ROBO2: variants seen among roughly 807,000 people sequenced by gnomAD.
ROBO2 encodes the protein roundabout homolog 2.
A neutral mutation model predicts 160.8 loss-of-function variants in ROBO2; 53 were observed. The observed-to-expected ratio is 0.33, with a 90% CI of 0.26 to 0.41. The LOEUF (loss-of-function observed/expected upper bound fraction) is 0.41, where lower values mean the gene tolerates loss of function less well. ROBO2 is among the 10% of genes least tolerant of loss of function. The pLI is 1.00. For synonymous variants in ROBO2, 664 were observed against 611.7 expected (o/e 1.09, Z -1.26); for missense variants, 1,577 against 1,722.4 (o/e 0.92, Z 1.49).
chr3:76,019,021 C>G (rs1298077473), intron 2 of ROBO2, among the ~76,000 whole-genome samples: 1 of 151,236 alleles, frequency 6.6e-6, no homozygotes, highest in Non-Finnish European at 1.5e-5. Context: ...CCGTGTGTAT[C>G]TGAGAATACT....
At chr3:76,532,235 A>C (rs1479227913) in intron 2 of ROBO2, among the ~76,000 whole-genome samples, 2 of 152,196 alleles carry the variant, frequency 1.3e-5, no homozygotes, top group Non-Finnish European at 1.5e-5. Context: ...ACTTTTGGTG[A>C]AAAGAGTGAC....
At chr3:76,151,913 A>T (rs554686240) in intron 2 of ROBO2, among the ~76,000 whole-genome samples, 56 of 152,220 alleles carry the variant, frequency 3.7e-4, no homozygotes, top group Non-Finnish European at 8.8e-5. Context: ...AAAAAATAAA[A>T]ACATGAGTAT....
chr3:76,184,873 A>G (rs1274210649), intron 2 of ROBO2, among the ~76,000 whole-genome samples: 1 of 151,964 alleles, frequency 6.6e-6, no homozygotes, highest in African/African-American at 2.4e-5. Flanking sequence ...GCTCCAGAAG[A>G]CAGACATATT....
chr3:76,311,009 C>T (rs1368948421), intron 2 of ROBO2: 1 of 152,182 alleles, frequency 6.6e-6, no homozygotes, highest in African/African-American at 2.4e-5. Flanking sequence ...CAATCAAGCT[C>T]ACCCAGAACA....
At chr3:76,078,572 C>T (rs1257755079) in intron 2 of ROBO2, among the ~76,000 whole-genome samples, 1 of 151,976 alleles carries the variant, frequency 6.6e-6, no homozygotes, top group African/African-American at 2.4e-5. Flanking sequence ...CCTATGTTGC[C>T]CAGGCTGGTC....
At chr3:75,983,964 C>T (rs966151348) in intron 2 of ROBO2, among the ~76,000 whole-genome samples, 3 of 151,326 alleles carry the variant, frequency 2.0e-5, no homozygotes, top group Admixed American at 1.3e-4. Flanking sequence ...CTCACTAATT[C>T]GGTTTATCTT....
At chr3:76,266,628 G>C (rs141168741) in intron 2 of ROBO2, among the ~76,000 whole-genome samples, 325 of 152,184 alleles carry the variant, frequency 2.1e-3, no homozygotes, top group Middle Eastern at 0.014. Flanking sequence ...TAACATTGGG[G>C]ATTTATTATG....
At chr3:76,882,574 A>G (rs1187192400) in intron 2 of ROBO2, among the ~76,000 whole-genome samples, 2 of 152,048 alleles carry the variant, frequency 1.3e-5, no homozygotes, top group Admixed American at 1.3e-4. Context: ...AGTGCCTGTT[A>G]CCTGTGTTTC....
At chr3:76,753,892 G>C (rs909795586) in intron 2 of ROBO2, among the ~76,000 whole-genome samples, 2 of 151,688 alleles carry the variant, frequency 1.3e-5, no homozygotes, top group Non-Finnish European at 2.9e-5. Context: ...ACATTTTATG[G>C]CAAAACTATT....
At chr3:77,526,510 ATCACATGTT>A (rs1435363485) in intron 6 of ROBO2, among the ~76,000 whole-genome samples, 11 of 151,562 alleles carry the variant, frequency 7.3e-5, no homozygotes, top group African/African-American at 2.7e-4. Context: ...GGATAATGGG[ATCACATGTT>A]TCACAATATT....
intron 2 of ROBO2, among the ~76,000 whole-genome samples, chr3:77,422,405 T>A (rs1334158483): frequency 6.6e-6 from 1 of 152,140 alleles, no homozygotes; most frequent in East Asian, 1.9e-4. Flanking sequence ...CATGGTTATC[T>A]TTGCATCCCA....
intron 2 of ROBO2, among the ~76,000 whole-genome samples, chr3:76,683,230 T>C (rs2092607719): frequency 1.3e-5 from 2 of 152,248 alleles, no homozygotes; most frequent in Admixed American, 6.6e-5. Context: ...AATATTTCTG[T>C]AATTTAATTA....
chr3:76,319,683 C>T (rs2072348929), intron 2 of ROBO2, among the ~76,000 whole-genome samples: 1 of 151,500 alleles, frequency 6.6e-6, no homozygotes, highest in East Asian at 1.9e-4. Flanking sequence ...CTTCAAATTA[C>T]TTGTTAACTT....
intron 2 of ROBO2, among the ~76,000 whole-genome samples, chr3:76,911,500 A>G (rs944086889): frequency 5.3e-5 from 8 of 152,168 alleles, no homozygotes; most frequent in African/African-American, 1.9e-4. Flanking sequence ...CAAGTGATGA[A>G]GAAACTATCA....
chr3:75,937,527 A>T, exon 2 of ROBO2: 1 of 1,578,522 alleles, frequency 6.3e-7, no homozygotes, highest in Admixed American at 1.7e-5. Context: ...CACTAGAAGG[A>T]TGTGGACATG....
chr3:77,023,874 A>G (rs1379157715), intron 2 of ROBO2, among the ~76,000 whole-genome samples: 1 of 152,210 alleles, frequency 6.6e-6, no homozygotes, highest in Non-Finnish European at 1.5e-5. Flanking sequence ...ATTAAATCAC[A>G]AAATAAATAT....
chr3:76,723,831 G>C (rs768324504), intron 2 of ROBO2, among the ~76,000 whole-genome samples: 4 of 152,134 alleles, frequency 2.6e-5, no homozygotes, highest in Non-Finnish European at 5.9e-5. Context: ...TCTACTACCT[G>C]TATCCAAATC....
intron 2 of ROBO2, among the ~76,000 whole-genome samples, chr3:77,212,331 G>T (rs1208166926): frequency 6.6e-6 from 1 of 152,058 alleles, no homozygotes. Context: ...TATTCTCTTT[G>T]AAGCAATTGT....
At chr3:77,640,690 T>A (rs1193622177) in intron 24 of ROBO2, among the ~76,000 whole-genome samples, 1 of 152,202 alleles carries the variant, frequency 6.6e-6, no homozygotes, top group African/African-American at 2.4e-5. Flanking sequence ...AGTGAATTGA[T>A]TTAGTGGAAA....
Sources: allele counts gnomAD v4.1 joint callset (sites outside exome capture counted in the v4.1 genomes callset), GRCh38; gene constraint gnomAD v4.1.1; transcripts MANE v1.5; gene names NCBI Gene and HGNC (gene_info 2026-07-23, HGNC 2026-07-21).